The following LINC00305 variants were observed in gnomAD, a reference collection of about 807,000 sequenced individuals.
LINC00305 encodes the protein long independently transcribed non-coding RNA 305.
At chr18:64,114,479 G>A (rs563963370) in intron 1 of LINC00305, among the ~76,000 whole-genome samples, 2 of 152,088 alleles carry the variant, frequency 1.3e-5, no homozygotes, top group East Asian at 1.9e-4. Flanking sequence ...TACACTCTAC[G>A]TCTATACTGG....
chr18:64,140,029 C>T (rs2051453983), intron 1 of LINC00305, among the ~76,000 whole-genome samples: 2 of 152,078 alleles, frequency 1.3e-5, no homozygotes, highest in South Asian at 4.2e-4. Context: ...GCTCCCACCT[C>T]GGAGACCTTG....
chr18:64,120,404 C>T (rs1057404879), intron 1 of LINC00305, among the ~76,000 whole-genome samples: 3 of 152,062 alleles, frequency 2.0e-5, no homozygotes, highest in Non-Finnish European at 4.4e-5. Context: ...ATCTCCTTAT[C>T]CCTGTGTGGT....
intron 1 of LINC00305, among the ~76,000 whole-genome samples, chr18:64,131,523 C>T (rs1212657108): frequency 6.6e-6 from 1 of 152,148 alleles, no homozygotes; most frequent in Admixed American, 6.6e-5. Flanking sequence ...AGGAAAGTGC[C>T]TGCTTCTGTA....
At chr18:64,120,020 G>A (rs990120511) in intron 1 of LINC00305, among the ~76,000 whole-genome samples, 1 of 152,102 alleles carries the variant, frequency 6.6e-6, no homozygotes, top group Non-Finnish European at 1.5e-5. Flanking sequence ...TAAGCTTTGG[G>A]TCTAAAGTAT....
intron 3 of LINC00305, among the ~76,000 whole-genome samples, chr18:64,081,104 G>A (rs1303252911): frequency 6.6e-6 from 1 of 152,186 alleles, no homozygotes; most frequent in Non-Finnish European, 1.5e-5. Flanking sequence ...TGGTTTTAGT[G>A]AAAAGTTGTG....
intron 1 of LINC00305, among the ~76,000 whole-genome samples, chr18:64,133,340 A>G (rs2051418577): frequency 6.6e-6 from 1 of 152,206 alleles, no homozygotes; most frequent in Non-Finnish European, 1.5e-5. Context: ...GATGGAGAAG[A>G]GCAGTCAGAT....
At chr18:64,085,672 G>T (rs1269783862) in intron 3 of LINC00305, among the ~76,000 whole-genome samples, 1 of 152,132 alleles carries the variant, frequency 6.6e-6, no homozygotes, top group Non-Finnish European at 1.5e-5. Context: ...TGTTGGCCAG[G>T]CTGGTTTCGA....
intron 3 of LINC00305, among the ~76,000 whole-genome samples, chr18:64,084,787 G>A (rs536631873): frequency 4.4e-4 from 67 of 152,324 alleles, no homozygotes; most frequent in African/African-American, 1.3e-3. Context: ...GCTAAACTTG[G>A]CTGATGAAAC....
At chr18:64,129,730 T>G (rs2051400852) in intron 1 of LINC00305, among the ~76,000 whole-genome samples, 1 of 152,148 alleles carries the variant, frequency 6.6e-6, no homozygotes, top group South Asian at 2.1e-4. Flanking sequence ...CATTTTGCCT[T>G]ATGTGATATT....
intron 1 of LINC00305, among the ~76,000 whole-genome samples, chr18:64,105,676 G>A (rs953004549): frequency 6.6e-6 from 1 of 152,160 alleles, no homozygotes; most frequent in Non-Finnish European, 1.5e-5. Context: ...TGGCAATGGT[G>A]CACTTATCCC....
chr18:64,080,383 T>A, exon 4 of LINC00305: 1 of 457,186 alleles, frequency 2.2e-6, no homozygotes, highest in Non-Finnish European at 4.4e-6. Flanking sequence ...TGTAACCTTT[T>A]GAAAGGTTCT....
intron 3 of LINC00305, among the ~76,000 whole-genome samples, chr18:64,092,921 T>C (rs1439365260): frequency 6.6e-6 from 1 of 152,230 alleles, no homozygotes; most frequent in African/African-American, 2.4e-5. Flanking sequence ...CCACTCCTTC[T>C]GAACAAAATC....
intron 1 of LINC00305, among the ~76,000 whole-genome samples, chr18:64,119,690 C>T (rs2051353144): frequency 6.6e-6 from 1 of 152,122 alleles, no homozygotes. Context: ...AGAAGTACCT[C>T]TCCCATGTGT....
intron 1 of LINC00305, among the ~76,000 whole-genome samples, chr18:64,124,933 G>C (rs2051378390): frequency 6.6e-6 from 1 of 152,018 alleles, no homozygotes; most frequent in African/African-American, 2.4e-5. Context: ...TTTTTGCTCT[G>C]AATTAATTTC....
chr18:64,096,202 T>C (rs922179507), intron 3 of LINC00305, among the ~76,000 whole-genome samples: 1 of 151,988 alleles, frequency 6.6e-6, no homozygotes, highest in Non-Finnish European at 1.5e-5. Flanking sequence ...TAAAGTGATA[T>C]GAAGAAATGA....
intron 3 of LINC00305, among the ~76,000 whole-genome samples, chr18:64,082,859 C>T (rs1048818078): frequency 6.6e-6 from 1 of 152,014 alleles, no homozygotes; most frequent in African/African-American, 2.4e-5. Context: ...TCTTGCTTCT[C>T]TTTTCTTTCA....
intron 1 of LINC00305, among the ~76,000 whole-genome samples, chr18:64,108,322 G>T (rs2051300240): frequency 1.3e-5 from 2 of 152,130 alleles, no homozygotes. Context: ...GAGAGAGAAG[G>T]GGAATCATAA....
At chr18:64,117,376 G>A (rs2051342479) in intron 1 of LINC00305, among the ~76,000 whole-genome samples, 1 of 152,188 alleles carries the variant, frequency 6.6e-6, no homozygotes, top group African/African-American at 2.4e-5. Context: ...TTGCAGATAA[G>A]ATAGGGTAGA....
chr18:64,098,086 T>C (rs986675988), intron 2 of LINC00305: 1 of 437,076 alleles, frequency 2.3e-6, no homozygotes, highest in Admixed American at 2.4e-5. Flanking sequence ...TGAATAAAGG[T>C]ACAGAGGCAA....
Sources: allele counts gnomAD v4.1 joint callset (sites outside exome capture counted in the v4.1 genomes callset), GRCh38; gene constraint gnomAD v4.1.1; transcripts MANE v1.5; gene names NCBI Gene and HGNC (gene_info 2026-07-23, HGNC 2026-07-21).